GPC4: variants seen among roughly 807,000 people sequenced by gnomAD.
GPC4 encodes glypican 4.
Under a neutral mutation model 35.0 loss-of-function variants are expected in GPC4, and 10 were observed. The ratio of observed to expected loss-of-function variants is 0.29; its 90% CI spans 0.18 to 0.48. The LOEUF (loss-of-function observed/expected upper bound fraction) is 0.48, where lower values mean the gene tolerates loss of function less well. GPC4 is among the 20% of genes least tolerant of loss of function. The pLI is 0.99. For synonymous variants in GPC4, 167 were observed against 170.2 expected (o/e 0.98, Z 0.15); for missense variants, 322 against 451.3 (o/e 0.71, Z 2.60).
intron 1 of GPC4, among the ~76,000 whole-genome samples, chrX:133,393,374 C>G (rs768669896): frequency 9.0e-6 from 1 of 111,289 alleles, no homozygotes; most frequent in Non-Finnish European, 1.9e-5. Context: ...CACTCTCCCA[C>G]CAGCCAACAG....
intron 3 of GPC4, among the ~76,000 whole-genome samples, chrX:133,311,846 T>C (rs2068315854): frequency 8.9e-6 from 1 of 111,944 alleles, no homozygotes; most frequent in South Asian, 3.8e-4. Flanking sequence ...ACCATCAGTG[T>C]TTGTCTTTGC....
chrX:133,332,544 C>T (rs1159008488), intron 2 of GPC4, among the ~76,000 whole-genome samples: 1 of 111,262 alleles, frequency 9.0e-6, no homozygotes, highest in African/African-American at 3.3e-5. Context: ...GGATTACAGG[C>T]GTGCACCACC....
chrX:133,358,701 G>A (rs1441727429), intron 1 of GPC4, among the ~76,000 whole-genome samples: 1 of 111,940 alleles, frequency 8.9e-6, no homozygotes, highest in African/African-American at 3.2e-5. Flanking sequence ...ATGCATTTAA[G>A]TGCTGATTTT....
intron 2 of GPC4, among the ~76,000 whole-genome samples, chrX:133,327,809 C>T (rs1313263962): frequency 9.0e-6 from 1 of 110,844 alleles, no homozygotes; most frequent in Non-Finnish European, 1.9e-5. Context: ...TTTAATGTGG[C>T]TATATAAGTT....
intron 1 of GPC4, among the ~76,000 whole-genome samples, chrX:133,353,709 A>C (rs2068526782): frequency 9.0e-6 from 1 of 111,111 alleles, no homozygotes; most frequent in Non-Finnish European, 1.9e-5. Flanking sequence ...AGAGGCCTGA[A>C]GGAGTGAGAG....
rs937345150 is a variant in GPC4 at position 133,310,464 on chromosome X, T to C, written c.877+794A>G. Among the ~76,000 whole-genome samples the C allele has an allele frequency of 8.1e-5, 9 of 111,744 alleles. No individual in the cohort carries two copies. In the Admixed American group the frequency reaches 8.6e-4, roughly 11 times the overall value. On this transcript the variant is annotated intron_variant, in intron 4 of 8. Coordinates refer to ENST00000370828, the MANE Select transcript of GPC4 (RefSeq NM_001448.3). ...TTTGTCCTTTCCCCAAAATCATAAC[T>C]AACCCTCTCTGCAATTGGCCACTTC...
At chrX:133,305,477 G>A (rs1840767546) in intron 6 of GPC4, among the ~76,000 whole-genome samples, 1 of 111,915 alleles carries the variant, frequency 8.9e-6, no homozygotes, top group South Asian at 3.7e-4. Flanking sequence ...TTATTTCTCT[G>A]AGCTTCTCTA....
chrX:133,398,412 T>C (rs1338231852), intron 1 of GPC4, among the ~76,000 whole-genome samples: 1 of 111,888 alleles, frequency 8.9e-6, no homozygotes, highest in African/African-American at 3.2e-5. Flanking sequence ...CTAGTGTCTC[T>C]ATACATACCC....
chrX:133,371,365 T>C lies in GPC4; in HGVS notation c.161-32024A>G, dbSNP rs2068611641. Among the ~76,000 whole-genome samples, 5 of 112,541 alleles carry C rather than the reference T, an allele frequency of 4.4e-5. No individual in the cohort carries two copies. In the Admixed American group the frequency reaches 4.7e-4, roughly 11 times the overall value. ...AGAGGCAATTTGCTCTGTGTTATTT[T>C]CTTAAGGCAAATATGTAGTCCTTTG... On this transcript the variant is annotated intron_variant, in intron 1 of 8. Coordinates refer to ENST00000370828, the MANE Select transcript of GPC4 (RefSeq NM_001448.3).
At chrX:133,361,175 A>C (rs151309085) in intron 1 of GPC4, among the ~76,000 whole-genome samples, 1,602 of 111,801 alleles carry the variant, frequency 0.014, 37 homozygotes, top group African/African-American at 0.049. Context: ...CAGACCTAAG[A>C]GGTGATTTAT....
chrX:133,303,452 GA>G, intron 7 of GPC4, 111 bp from the exon 8 acceptor site: 1 of 614,846 alleles, frequency 1.6e-6, no homozygotes, highest in Non-Finnish European at 2.5e-6. Context: ...GATTATACAA[GA>G]GGTTATCAAA....
intron 1 of GPC4, among the ~76,000 whole-genome samples, chrX:133,405,582 C>T (rs2124184421): frequency 9.0e-6 from 1 of 111,731 alleles, no homozygotes; most frequent in Non-Finnish European, 1.9e-5. Flanking sequence ...TTCTGGCTCT[C>T]CCATTCAGCT....
At chrX:133,398,542 T>C (rs2068754584) in intron 1 of GPC4, among the ~76,000 whole-genome samples, 1 of 110,941 alleles carries the variant, frequency 9.0e-6, no homozygotes, top group South Asian at 3.8e-4. Context: ...TTGAAGCGGG[T>C]GAGTTCACCT....
chrX:133,311,438 G>A lies in GPC4; in HGVS notation c.712-15C>T. The A allele has an allele frequency of 1.7e-6, 2 of 1,204,842 alleles. No homozygotes were observed. Among genetic ancestry groups the A allele is most frequent in the Non-Finnish European group, 2.2e-6 (2 of 890,765 alleles). On this transcript the variant is annotated splice_polypyrimidine_tract_variant and intron_variant, in intron 3 of 8. Coordinates refer to ENST00000370828, the MANE Select transcript of GPC4 (RefSeq NM_001448.3). ...GTGGGGTTTACCTAATGTGTGAAAAGAAAAAAAGACAGTAGTGGCGGGGCT... is the reference window on the plus strand; with the variant it reads ...GTGGGGTTTACCTAATGTGTGAAAAAAAAAAAAGACAGTAGTGGCGGGGCT...
intron 3 of GPC4, 33 bp downstream of exon 3, chrX:133,324,101 GAAAACAAAACA>G (rs750665163): frequency 1.8e-6 from 2 of 1,137,724 alleles, no homozygotes; most frequent in South Asian, 2.1e-5. Flanking sequence ...TAACATGAAA[GAAAACAAAACA>G]AAAACAAAAC....
chrX:133,329,689 C>A (rs1051271124), intron 2 of GPC4, among the ~76,000 whole-genome samples: 2 of 110,856 alleles, frequency 1.8e-5, no homozygotes, highest in East Asian at 5.6e-4. Context: ...CAGGTCGACA[C>A]CCCCCACCCA....
At chrX:133,319,124 T>C (rs1175387313) in intron 3 of GPC4, among the ~76,000 whole-genome samples, 1 of 111,492 alleles carries the variant, frequency 9.0e-6, no homozygotes, top group African/African-American at 3.3e-5. Flanking sequence ...AACAAGACCA[T>C]GATGCTTTTC....
rs774178648 is a variant in GPC4, at chrX:133,301,232, C to A, written c.*1635G>T. 27 of 112,811 alleles carry A rather than the reference C, an allele frequency of 2.4e-4. No homozygotes were observed. Among genetic ancestry groups the A allele is most frequent in the African/African-American group, 6.8e-4 (21 of 31,002 alleles). 9.3% of individuals were successfully genotyped at this position (112,811 alleles called of 1,213,427 possible). Reference sequence around the variant, plus strand: ...ATATAAAAATAGAGAATTACTCTTACAACTGAAGATTGAACAATAACACAA... The same window carrying A: ...ATATAAAAATAGAGAATTACTCTTAAAACTGAAGATTGAACAATAACACAA... On this transcript the variant is annotated 3_prime_UTR_variant, in exon 9 of 9. Transcript: ENST00000370828.
intron 1 of GPC4, among the ~76,000 whole-genome samples, chrX:133,396,356 T>C (rs1057288229): frequency 8.9e-6 from 1 of 112,021 alleles, no homozygotes. Context: ...AGGCAATTTA[T>C]ATTTGGCAAA....
Sources: gnomAD v4.1 joint callset for allele counts (sites outside exome capture counted in the v4.1 genomes callset) on GRCh38, gnomAD v4.1.1 for gene constraint, MANE v1.5 for transcripts, NCBI Gene and HGNC (gene_info 2026-07-23, HGNC 2026-07-21) for gene names.